The following CSGALNACT1 variants were observed in gnomAD, a reference collection of about 807,000 sequenced individuals.
The protein encoded by CSGALNACT1 is chondroitin sulfate N-acetylgalactosaminyltransferase 1.
CSGALNACT1 carries 52 observed loss-of-function variants against 51.0 expected under a neutral mutation model. The ratio of observed to expected loss-of-function variants is 1.02; its 90% CI spans 0.82 to 1.29. The LOEUF (loss-of-function observed/expected upper bound fraction) is 1.29, where lower values mean the gene tolerates loss of function less well. CSGALNACT1 is among the 50% of genes most tolerant of loss of function. The pLI, the probability that CSGALNACT1 is intolerant of heterozygous loss-of-function variation, is 0.00. For missense variants in CSGALNACT1, 935 were observed against 679.2 expected, an observed-to-expected ratio of 1.38 and a Z score of -4.19; for synonymous variants, 341 against 254.4, an observed-to-expected ratio of 1.34 and a Z score of -3.24.
chr8:19,531,784 A>G (rs963940537), intron 3 of CSGALNACT1: 3 of 152,234 alleles, frequency 2.0e-5, no homozygotes, highest in African/African-American at 7.2e-5. Context: ...TGCAGGGAGC[A>G]CACCACCCAT....
intron 1 of CSGALNACT1, among the ~76,000 whole-genome samples, chr8:19,681,719 A>G (rs150671397): frequency 3.3e-5 from 5 of 151,578 alleles, no homozygotes; most frequent in Admixed American, 3.3e-4. Flanking sequence ...TGCTCCCTCA[A>G]CTCCTCCCAT....
intron 1 of CSGALNACT1, among the ~76,000 whole-genome samples, chr8:19,621,859 T>C (rs946207427): frequency 5.3e-5 from 8 of 152,242 alleles, no homozygotes; most frequent in African/African-American, 1.9e-4. Context: ...CTAAGTCAGA[T>C]AATTGTTTCT....
intron 6 of CSGALNACT1, among the ~76,000 whole-genome samples, chr8:19,435,222 C>T (rs1391570479): frequency 6.6e-6 from 1 of 152,102 alleles, no homozygotes; most frequent in Non-Finnish European, 1.5e-5. Context: ...TGGCCAGGCG[C>T]GGTTGCTCAC....
intron 3 of CSGALNACT1, among the ~76,000 whole-genome samples, chr8:19,517,031 A>G (rs555549113): frequency 2.0e-4 from 30 of 152,318 alleles, no homozygotes; most frequent in Middle Eastern, 3.4e-3. Flanking sequence ...CAAACCTGAT[A>G]TGTGGGTGTA....
intron 1 of CSGALNACT1, among the ~76,000 whole-genome samples, chr8:19,667,005 AAG>A (rs2059370988): frequency 8.3e-5 from 3 of 36,108 alleles, no homozygotes; most frequent in African/African-American, 5.4e-4. Flanking sequence ...GAAAGAAAGA[AAG>A]AAAGAAAGAA....
intron 1 of CSGALNACT1, among the ~76,000 whole-genome samples, chr8:19,746,366 G>A (rs1041155083): frequency 6.6e-6 from 1 of 152,102 alleles, no homozygotes. Context: ...ATTATTATAA[G>A]GGGCACCTAA....
intron 4 of CSGALNACT1, among the ~76,000 whole-genome samples, chr8:19,470,971 C>T (rs1425635308): frequency 6.6e-6 from 1 of 152,036 alleles, no homozygotes; most frequent in Non-Finnish European, 1.5e-5. Flanking sequence ...TGGTGGGTAC[C>T]CATCATCCCA....
intron 3 of CSGALNACT1, among the ~76,000 whole-genome samples, chr8:19,581,253 G>A (rs2045500373): frequency 6.6e-6 from 1 of 152,142 alleles, no homozygotes; most frequent in Non-Finnish European, 1.5e-5. Context: ...TAGGATTGGG[G>A]AGCAATAGGA....
intron 1 of CSGALNACT1, among the ~76,000 whole-genome samples, chr8:19,709,730 C>T (rs928636057): frequency 1.3e-5 from 2 of 152,188 alleles, no homozygotes; most frequent in East Asian, 3.9e-4. Flanking sequence ...GCCTGCCCCC[C>T]CGCCCAGAGT....
intron 1 of CSGALNACT1, among the ~76,000 whole-genome samples, chr8:19,737,512 C>T (rs775431623): frequency 6.6e-6 from 1 of 151,418 alleles, no homozygotes; most frequent in Non-Finnish European, 1.5e-5. Flanking sequence ...TGTTAAGTTA[C>T]ACACATACGG....
chr8:19,744,642 T>G (rs908456405), intron 1 of CSGALNACT1, among the ~76,000 whole-genome samples: 1 of 152,226 alleles, frequency 6.6e-6, no homozygotes, highest in African/African-American at 2.4e-5. Flanking sequence ...AAAACAGGCA[T>G]GCTTATAAAC....
At chr8:19,558,884 G>C (rs947581846) in intron 3 of CSGALNACT1, among the ~76,000 whole-genome samples, 16 of 152,084 alleles carry the variant, frequency 1.1e-4, no homozygotes, top group African/African-American at 3.6e-4. Context: ...TTTTTTCCAT[G>C]AAACAATTTA....
At chr8:19,437,728 G>C (rs546031697) in intron 6 of CSGALNACT1, among the ~76,000 whole-genome samples, 5 of 152,068 alleles carry the variant, frequency 3.3e-5, no homozygotes, top group Admixed American at 1.3e-4. Context: ...TAAGAAGTTC[G>C]GGTTAATTTT....
intron 4 of CSGALNACT1, among the ~76,000 whole-genome samples, chr8:19,485,522 C>T (rs191856494): frequency 6.6e-6 from 1 of 152,200 alleles, no homozygotes; most frequent in African/African-American, 2.4e-5. Context: ...ATGTTAACAG[C>T]TCCTAACAGC....
At chr8:19,507,441 A>C (rs1368566013) in intron 3 of CSGALNACT1, among the ~76,000 whole-genome samples, 3 of 145,914 alleles carry the variant, frequency 2.1e-5, no homozygotes, top group Non-Finnish European at 4.4e-5. Context: ...TCCTCCACTC[A>C]TCATGGACAT....
At chr8:19,404,560 A>G in exon 10 of CSGALNACT1, 1 of 453,234 alleles carries the variant, frequency 2.2e-6, no homozygotes, top group Non-Finnish European at 4.4e-6. Context: ...AACATGTAGC[A>G]AAAACTTCCA....
chr8:19,488,251 G>C (rs927741702), intron 4 of CSGALNACT1, among the ~76,000 whole-genome samples: 5 of 151,760 alleles, frequency 3.3e-5, no homozygotes, highest in African/African-American at 1.2e-4. Context: ...TCCGGAGGCT[G>C]AGGCAGGAGA....
At chr8:19,657,056 C>A (rs2058342269) in intron 1 of CSGALNACT1, among the ~76,000 whole-genome samples, 1 of 135,078 alleles carries the variant, frequency 7.4e-6, no homozygotes. Flanking sequence ...GAGTAAGACT[C>A]CATCTCATTA....
intron 3 of CSGALNACT1, among the ~76,000 whole-genome samples, chr8:19,509,955 G>T (rs1439399680): frequency 6.6e-6 from 1 of 152,126 alleles, no homozygotes; most frequent in Non-Finnish European, 1.5e-5. Flanking sequence ...ATCTCTTGGG[G>T]GTGGCTGTGG....
Sources: allele counts gnomAD v4.1 joint callset (sites outside exome capture counted in the v4.1 genomes callset), GRCh38; gene constraint gnomAD v4.1.1; transcripts MANE v1.5; gene names NCBI Gene and HGNC (gene_info 2026-07-23, HGNC 2026-07-21).